The following ABLIM2 variants were observed in gnomAD, a reference collection of about 807,000 sequenced individuals.
ABLIM2 encodes the protein actin-binding LIM protein 2.
ABLIM2 carries 53 observed loss-of-function variants against 97.7 expected under a neutral mutation model. That is an observed-to-expected ratio of 0.54 (90% CI 0.44 to 0.68). The LOEUF is 0.68. Ranked by LOEUF, ABLIM2 falls within the 30% of genes least tolerant of loss-of-function variation. The pLI is 0.00. For synonymous variants in ABLIM2, 361 were observed against 345.8 expected (o/e 1.04, Z -0.49); for missense variants, 835 against 867.2 (o/e 0.96, Z 0.47).
intron 8 of ABLIM2, 100 bp from the exon 9 acceptor site, chr4:8,045,341 C>G (rs1791611322): frequency 9.1e-7 from 1 of 1,102,846 alleles, no homozygotes; most frequent in Non-Finnish European, 1.4e-6. Context: ...CGCCAGCGCA[C>G]TGCGGTGTTT....
At chr4:8,121,939 G>A (rs770160308) in intron 1 of ABLIM2, among the ~76,000 whole-genome samples, 10 of 152,128 alleles carry the variant, frequency 6.6e-5, no homozygotes, top group African/African-American at 1.4e-4. Flanking sequence ...GTTGGGCACC[G>A]GACCCAGACC....
chr4:8,023,672 T>C lies in ABLIM2; in HGVS notation c.1268-3369A>G, dbSNP rs532073762. The stretch of plus-strand genomic sequence containing the variant: ...CCCACACTTGTCCACATGTCAGGAG[T>C]GGGAGTTACGACCCCCTCCTGGAGG... On this transcript the variant is annotated intron_variant, in intron 12 of 20. Coordinates refer to ENST00000447017, the MANE Select transcript of ABLIM2 (RefSeq NM_001130083.2). This position sits in a 1 kb window ranked among gnomAD's most constrained non-coding sequence, Gnocchi z 5.7. Among the ~76,000 whole-genome samples the C allele has an allele frequency of 1.3e-3, 199 of 152,300 alleles. No homozygotes were observed. The highest frequency in any genetic ancestry group is 4.1e-3 in the African/African-American group (172 of 41,568).
At position 8,131,475 on chromosome 4, in the gene ABLIM2, C is replaced by G. The variant is rs370263544; in HGVS notation, c.11-24838G>C. Reference sequence around the variant, plus strand: ...GCCAGGGTGGGGACCGGGACGAGAACTATGATGACTTTAGTAAAAGAGGGG... The same window carrying G: ...GCCAGGGTGGGGACCGGGACGAGAAGTATGATGACTTTAGTAAAAGAGGGG... On this transcript the variant is annotated intron_variant, in intron 1 of 20. Coordinates refer to ENST00000447017, the MANE Select transcript of ABLIM2 (RefSeq NM_001130083.2). Among the ~76,000 whole-genome samples the G allele has an allele frequency of 3.8e-4, 58 of 152,298 alleles. 1 individual carries two copies. The South Asian group carries it at 8.3e-3, about 22-fold the overall frequency.
In ABLIM2 at chr4:8,087,439, C is replaced by T. The variant is rs970430700; in HGVS notation, c.454+730G>A. On this transcript the variant is annotated intron_variant, in intron 4 of 20. Coordinates refer to ENST00000447017, the MANE Select transcript of ABLIM2 (RefSeq NM_001130083.2). The surrounding 1 kb of genome is among the most constrained non-coding windows in gnomAD (Gnocchi z 4.6). ...CTAATTCAGGAAGCATCTTGAGCCC[C>T]CACTGCATACACACCTGGCCTAACT... Among the ~76,000 whole-genome samples the T allele has an allele frequency of 6.6e-6, 1 of 152,212 alleles. No individual in the cohort carries two copies. Among genetic ancestry groups the T allele is most frequent in the Admixed American group, 6.5e-5 (1 of 15,284 alleles).
chr4:7,975,031 C>T (rs184630431), intron 20 of ABLIM2, among the ~76,000 whole-genome samples: 1 of 152,086 alleles, frequency 6.6e-6, no homozygotes, highest in Admixed American at 6.6e-5. Context: ...CCAGCCAGGG[C>T]AACATAGTAA....
At chr4:8,017,621 G>A (rs1329325427) in intron 14 of ABLIM2, among the ~76,000 whole-genome samples, 1 of 152,056 alleles carries the variant, frequency 6.6e-6, no homozygotes, top group Non-Finnish European at 1.5e-5. Flanking sequence ...AAAGAATTTT[G>A]GTCCTTGCTT....
chr4:8,132,038 G>A lies in ABLIM2; in HGVS notation c.11-25401C>T, dbSNP rs1443454223. Reference sequence around the variant, plus strand: ...CCCCTGCACGGCAGCCTGCATCCCCGAGCACAGCTGTGCCGGCCGAGCTCA... The same window carrying A: ...CCCCTGCACGGCAGCCTGCATCCCCAAGCACAGCTGTGCCGGCCGAGCTCA... On this transcript the variant is annotated intron_variant, in intron 1 of 20. Transcript: ENST00000447017. The surrounding 1 kb of genome is among the most constrained non-coding windows in gnomAD (Gnocchi z 8.0). 2.0e-5 allele frequency among the ~76,000 whole-genome samples: 3 copies of A among 148,180 alleles called. No homozygotes were observed. The highest frequency in any genetic ancestry group is 1.9e-4 in the East Asian group (1 of 5,162).
At chr4:7,994,080 C>CTTTTT (rs764214617) in intron 16 of ABLIM2, 147 of 59,218 alleles carry the variant, frequency 2.5e-3, no homozygotes, top group Non-Finnish European at 4.0e-3. Context: ...GGGAAGCATT[C>CTTTTT]TTTTTTTTTT....
chr4:8,029,120 G>A (rs753538549), intron 11 of ABLIM2, among the ~76,000 whole-genome samples: 1 of 152,198 alleles, frequency 6.6e-6, no homozygotes, highest in Non-Finnish European at 1.5e-5. Context: ...CTGTCTCGGG[G>A]CTCTCTCCTG....
intron 5 of ABLIM2, among the ~76,000 whole-genome samples, chr4:8,080,258 C>T (rs1334429090): frequency 2.0e-5 from 3 of 152,212 alleles, no homozygotes. Context: ...CCCCTCTCCT[C>T]ATCTCCATGC....
In ABLIM2 at chr4:8,075,294, C is replaced by A. The variant is rs931801199; in HGVS notation, c.675+2334G>T. On this transcript the variant is annotated intron_variant, in intron 6 of 20. Transcript: ENST00000447017. This position sits in a 1 kb window ranked among gnomAD's most constrained non-coding sequence, Gnocchi z 4.4. ...GGTGGTTGCCGAGGGCTTGCGGGTA[C>A]GGGGAGTGACAGCTAAAAGGTATGG... Among the ~76,000 whole-genome samples the A allele has an allele frequency of 3.3e-5, 5 of 151,912 alleles. No individual in the cohort carries two copies. Among genetic ancestry groups the A allele is most frequent in the African/African-American group, 9.7e-5 (4 of 41,316 alleles).
intron 20 of ABLIM2, among the ~76,000 whole-genome samples, chr4:7,975,230 A>C (rs1732017259): frequency 6.6e-6 from 1 of 152,020 alleles, no homozygotes; most frequent in African/African-American, 2.4e-5. Context: ...AAAAAAATTC[A>C]TTTTCCACAC....
chr4:8,128,075 G>C lies in ABLIM2; in HGVS notation c.11-21438C>G, dbSNP rs1561594619. 6.6e-6 allele frequency among the ~76,000 whole-genome samples: 1 copy of C among 152,212 alleles called. No homozygotes were observed. Among genetic ancestry groups the C allele is most frequent in the Non-Finnish European group, 1.5e-5 (1 of 68,040 alleles). On this transcript the variant is annotated intron_variant, in intron 1 of 20. Coordinates refer to ENST00000447017, the MANE Select transcript of ABLIM2 (RefSeq NM_001130083.2). This position sits in a 1 kb window ranked among gnomAD's most constrained non-coding sequence, Gnocchi z 4.9. Reference sequence around the variant, plus strand: ...CCAGCAGGACCCTGCTCTTCACAGGGGTATAGGGAGCTCAGGCTGCCTCTT... The same window carrying C: ...CCAGCAGGACCCTGCTCTTCACAGGCGTATAGGGAGCTCAGGCTGCCTCTT...
At chr4:8,074,295 A>C (rs1012816475) in intron 6 of ABLIM2, among the ~76,000 whole-genome samples, 23 of 151,982 alleles carry the variant, frequency 1.5e-4, no homozygotes, top group Admixed American at 7.2e-4. Context: ...TCTCTAAGAA[A>C]ATTTTAAATA....
intron 6 of ABLIM2, among the ~76,000 whole-genome samples, chr4:8,070,428 T>G (rs1488902665): frequency 6.6e-6 from 1 of 152,116 alleles, no homozygotes; most frequent in Non-Finnish European, 1.5e-5. Context: ...GTATTCCTTT[T>G]GAGTGAGAGA....
intron 4 of ABLIM2, among the ~76,000 whole-genome samples, chr4:8,086,284 C>CA (rs140575003): frequency 0.035 from 4,509 of 128,992 alleles, 183 homozygotes; most frequent in African/African-American, 0.099. Context: ...TTGAAAACCT[C>CA]AAAAAAAAAA....
chr4:8,009,026 G>A, intron 15 of ABLIM2, 24 bp downstream of exon 15: 1 of 1,613,740 alleles, frequency 6.2e-7, no homozygotes, highest in Non-Finnish European at 8.5e-7. Context: ...GCTGTTCTCA[G>A]CCAGATCTGC....
At chr4:8,097,390 C>T in intron 2 of ABLIM2, 108 bp from the exon 3 acceptor site, 2 of 1,345,180 alleles carry the variant, frequency 1.5e-6, no homozygotes, top group South Asian at 1.3e-5. Flanking sequence ...CTGACACAGG[C>T]ACTGAGGCCT....
intron 19 of ABLIM2, 34 bp from the exon 20 acceptor site, chr4:7,983,378 G>T (rs1406410487): frequency 6.2e-7 from 1 of 1,601,226 alleles, no homozygotes; most frequent in Non-Finnish European, 8.5e-7. Flanking sequence ...GTCACCTCAC[G>T]AAGCAAGTGT....
Sources: gnomAD v4.1 joint callset for allele counts (sites outside exome capture counted in the v4.1 genomes callset) on GRCh38, gnomAD v4.1.1 for gene constraint, Gnocchi (gnomAD v3.1) non-coding constraint, MANE v1.5 for transcripts, NCBI Gene and HGNC (gene_info 2026-07-23, HGNC 2026-07-21) for gene names.